Variants in AIFM1 observed in about 807,000 individuals in gnomAD.
The protein encoded by AIFM1 is apoptosis inducing factor mitochondria associated 1.
AIFM1 carries 3 observed loss-of-function variants against 51.7 expected under a neutral mutation model. That is an observed-to-expected ratio of 0.06 (90% CI 0.03 to 0.15). The LOEUF is 0.15. AIFM1 is among the 10% of genes least tolerant of loss of function. AIFM1 has a pLI of 1.00. For synonymous variants in AIFM1, 178 were observed against 179.4 expected (o/e 0.99, Z 0.06); for missense variants, 330 against 476.8 (o/e 0.69, Z 2.87).
intron 1 of AIFM1, among the ~76,000 whole-genome samples, chrX:130,164,582 C>T (rs2031468689): frequency 8.9e-6 from 1 of 111,872 alleles, no homozygotes; most frequent in Non-Finnish European, 1.9e-5. Context: ...GTGGATCATT[C>T]ATTGCCCCCA....
At chrX:130,152,135 GA>G (rs1189455759) in intron 2 of AIFM1, among the ~76,000 whole-genome samples, 7 of 110,096 alleles carry the variant, frequency 6.4e-5, no homozygotes, top group Non-Finnish European at 3.8e-5. Flanking sequence ...AAAAAGAAAA[GA>G]AAAAAAAGAA....
At chrX:130,154,490 T>A (rs185592790) in intron 2 of AIFM1, among the ~76,000 whole-genome samples, 3 of 112,386 alleles carry the variant, frequency 2.7e-5, no homozygotes, top group African/African-American at 9.7e-5. Flanking sequence ...GTATCTGAAT[T>A]ACGAATGAGA....
intron 5 of AIFM1, among the ~76,000 whole-genome samples, chrX:130,147,193 A>G (rs1441795119): frequency 8.9e-6 from 1 of 112,012 alleles, no homozygotes; most frequent in African/African-American, 3.2e-5. Context: ...AGAAGTGACA[A>G]TACAGGCCAA....
intron 12 of AIFM1, among the ~76,000 whole-genome samples, chrX:130,134,652 G>A (rs1160957993): frequency 3.6e-5 from 4 of 109,902 alleles, no homozygotes; most frequent in Non-Finnish European, 5.7e-5. Flanking sequence ...CAGATTAAAG[G>A]AGTCAAGTAT....
intron 9 of AIFM1, chrX:130,137,559 G>C: frequency 8.6e-7 from 1 of 1,161,601 alleles, no homozygotes; most frequent in Non-Finnish European, 1.1e-6. Context: ...TAGTTGCCAT[G>C]AAACATTCCA....
intron 1 of AIFM1, among the ~76,000 whole-genome samples, chrX:130,158,150 G>A (rs1468152264): frequency 9.1e-6 from 1 of 109,497 alleles, no homozygotes; most frequent in African/African-American, 3.3e-5. Context: ...TATAATCCCA[G>A]CTACTCGGGA....
At chrX:130,150,977 CAAAA>C (rs759870161) in intron 2 of AIFM1, among the ~76,000 whole-genome samples, 1 of 27,797 alleles carries the variant, frequency 3.6e-5, no homozygotes, top group African/African-American at 1.8e-4. Context: ...GACTCTGTCT[CAAAA>C]AAAAAAAAAA....
At chrX:130,157,737 T>A (rs523234) in intron 1 of AIFM1, among the ~76,000 whole-genome samples, 1 of 103,436 alleles carries the variant, frequency 9.7e-6, no homozygotes, top group African/African-American at 3.5e-5. Context: ...GAGGCCTAGG[T>A]GGGCAGATCA....
At chrX:130,159,830 T>C (rs1327575016) in intron 1 of AIFM1, among the ~76,000 whole-genome samples, 1 of 106,737 alleles carries the variant, frequency 9.4e-6, no homozygotes, top group Non-Finnish European at 1.9e-5. Flanking sequence ...TAAATGGACT[T>C]TTTTTTTTTG....
At chrX:130,138,487 C>T (rs1472182641) in intron 9 of AIFM1, 106 bp downstream of exon 9, 10 of 608,607 alleles carry the variant, frequency 1.6e-5, no homozygotes, top group Non-Finnish European at 2.8e-5. Flanking sequence ...ATAAATAAAC[C>T]TTAATTAAAC....
At chrX:130,135,949 G>T in intron 12 of AIFM1, 96 bp downstream of exon 12, 1 of 1,092,132 alleles carries the variant, frequency 9.2e-7, no homozygotes, top group Non-Finnish European at 1.3e-6. Context: ...GACCCTATTT[G>T]GTTAGGCTGT....
At chrX:130,131,951 C>T in intron 13 of AIFM1, 152 bp from the exon 14 acceptor site, 3 of 659,270 alleles carry the variant, frequency 4.6e-6, no homozygotes, top group South Asian at 5.0e-5. Context: ...CAGTTCATTG[C>T]AACCTCTCCC....
At chrX:130,153,521 C>T in intron 2 of AIFM1, among the ~76,000 whole-genome samples, 1 of 111,310 alleles carries the variant, frequency 9.0e-6, no homozygotes, top group Non-Finnish European at 1.9e-5. Flanking sequence ...ACGCTATTCA[C>T]TGTTATGGAC....
rs2030811371 is a variant in AIFM1, at chrX:130,147,855, G to A, written c.371C>T (p.Pro124Leu). ...ALSASEGEEV[P>L]QDKAPSHVPF... is the part of the protein sequence containing the mutation. ...AACATGACTTGGCGCCTTGTCTTGA[G>A]GAACTTCCTCTCCTTCTGAAGCTGA... Residue 124 changes from proline to leucine, a missense_variant, in exon 4 of 16, where the codon CCT (proline) becomes CTT (leucine). This residue lies in a region of AIFM1 where 110 missense variants were observed against 103.1 expected (regional missense o/e 1.07). Transcript: ENST00000287295. 1 of 1,211,689 alleles carries A rather than the reference G, an allele frequency of 8.3e-7. No individual in the cohort carries two copies. The highest frequency in any genetic ancestry group is 3.0e-5 in the East Asian group (1 of 33,856).
In AIFM1 at chrX:130,145,522, G is replaced by A. The variant is rs1176677097; in HGVS notation, c.653C>T (p.Pro218Leu). 2.5e-6 allele frequency: 3 copies of A among 1,210,469 alleles called. No homozygotes were observed. Among genetic ancestry groups the A allele is most frequent in the Non-Finnish European group, 3.4e-6 (3 of 894,429 alleles). Residue 218 changes from proline (P) to leucine (L), a missense_variant, in exon 6 of 16, where the codon CCT (proline) becomes CTT (leucine). Around this residue, in one of 4 missense-constraint regions of AIFM1, gnomAD observed 152 missense variants for 292.8 expected, o/e 0.52. Coordinates refer to ENST00000287295, the MANE Select transcript of AIFM1 (RefSeq NM_004208.4). ...AGCCACACCACCATTCTCAATATGA[G>A]GCAGGTCCTGAGCAGAGACATAGAA... ...PSFYVSAQDL[P>L]HIENGGVAVL...
At chrX:130,160,883 AAAATAAATAAATAAAT>A (rs754564979) in intron 1 of AIFM1, among the ~76,000 whole-genome samples, 25 of 107,070 alleles carry the variant, frequency 2.3e-4, no homozygotes, top group African/African-American at 7.9e-4. Context: ...TCTCTACTTA[AAAATAAATAAATAAAT>A]AAATAAATAA....
intron 3 of AIFM1, among the ~76,000 whole-genome samples, chrX:130,148,808 G>A (rs2030845392): frequency 1.3e-5 from 1 of 79,443 alleles, no homozygotes; most frequent in Non-Finnish European, 2.3e-5. Flanking sequence ...ACTCCAGCCT[G>A]GGCAAAAAGA....
chrX:130,145,526 G>A lies in AIFM1; in HGVS notation c.649C>T (p.Leu217=), dbSNP rs777608741. The A allele has an allele frequency of 5.8e-6, 7 of 1,210,458 alleles. No homozygotes were observed. The East Asian group carries it at 1.2e-4, about 20-fold the overall frequency. Residue 217 remains leucine (L), a synonymous_variant, in exon 6 of 16, where the codon CTG becomes TTG. Coordinates refer to ENST00000287295, the MANE Select transcript of AIFM1 (RefSeq NM_004208.4). Reference sequence around the variant, plus strand: ...ACACCACCATTCTCAATATGAGGCAGGTCCTGAGCAGAGACATAGAAAGAA... The same window carrying A: ...ACACCACCATTCTCAATATGAGGCAAGTCCTGAGCAGAGACATAGAAAGAA... ...PPSFYVSAQD[L]PHIENGGVAV...
At chrX:130,147,422 G>A in intron 5 of AIFM1, 71 bp downstream of exon 5, 1 of 1,189,477 alleles carries the variant, frequency 8.4e-7, no homozygotes, top group Non-Finnish European at 1.1e-6. Flanking sequence ...TACACAGTCA[G>A]TGGCAAAATC....
Sources: allele counts gnomAD v4.1 joint callset (sites outside exome capture counted in the v4.1 genomes callset), GRCh38; gene constraint gnomAD v4.1.1; regional missense constraint gnomAD v4.1.1; transcripts MANE v1.5; gene names NCBI Gene and HGNC (gene_info 2026-07-23, HGNC 2026-07-21).